The following TARBP1 variants were observed in gnomAD, a reference collection of about 807,000 sequenced individuals.
TARBP1 encodes the protein tRNA (guanosine(18)-2'-O)-methyltransferase TARBP1.
Under a neutral mutation model 178.6 loss-of-function variants are expected in TARBP1, and 144 were observed. The ratio of observed to expected loss-of-function variants is 0.81; its 90% CI spans 0.70 to 0.93. TARBP1 has a LOEUF of 0.93. TARBP1 is among the 40% of genes least tolerant of loss of function. TARBP1 has a pLI of 0.00. For missense variants in TARBP1, 2,067 were observed against 2,011.7 expected, an observed-to-expected ratio of 1.03 and a Z score of -0.53; for synonymous variants, 787 against 781.0, an observed-to-expected ratio of 1.01 and a Z score of -0.13.
chr1:234,445,894 G>A (rs1176158802), intron 12 of TARBP1, among the ~76,000 whole-genome samples: 2 of 151,936 alleles, frequency 1.3e-5, no homozygotes, highest in Non-Finnish European at 2.9e-5. Context: ...AAGAGCACAT[G>A]TGACCCAGTT....
chr1:234,409,765 C>T (rs1661612234), intron 23 of TARBP1, among the ~76,000 whole-genome samples: 1 of 152,204 alleles, frequency 6.6e-6, no homozygotes, highest in Admixed American at 6.5e-5. Flanking sequence ...CTTAATAACA[C>T]TATTTCAATT....
chr1:234,435,401 G>A (rs1664906391), intron 13 of TARBP1, among the ~76,000 whole-genome samples: 1 of 152,192 alleles, frequency 6.6e-6, no homozygotes, highest in African/African-American at 2.4e-5. Flanking sequence ...AAGATTGCTT[G>A]AACCCGGGAG....
At chr1:234,456,871 T>C (rs974117296) in intron 9 of TARBP1, among the ~76,000 whole-genome samples, 1 of 152,350 alleles carries the variant, frequency 6.6e-6, no homozygotes, top group African/African-American at 2.4e-5. Flanking sequence ...ATTAGATGCA[T>C]TGTGATCAAG....
At chr1:234,473,518 C>A (rs175322) in intron 1 of TARBP1, among the ~76,000 whole-genome samples, 112,680 of 152,178 alleles carry the variant, frequency 0.74, 43,317 homozygotes, top group East Asian at 0.98. Flanking sequence ...CTGGGTGCTG[C>A]GACTCCTCTC....
chr1:234,471,196 T>C lies in TARBP1; in HGVS notation c.1091A>G (p.Glu364Gly), dbSNP rs1322520207. 2 of 1,596,898 alleles carry C rather than the reference T, an allele frequency of 1.3e-6. No homozygotes were observed. Among genetic ancestry groups the C allele is most frequent in the Non-Finnish European group, 8.5e-7 (1 of 1,175,026 alleles). The change falls in exon 3 of 30, where the codon GAG becomes GGG. Residue 364 changes from glutamate (E) to glycine (G), a missense_variant. Glu to Gly is a moderately conservative substitution (Grantham distance 98). Coordinates refer to ENST00000040877, the MANE Select transcript of TARBP1 (RefSeq NM_005646.4). The stretch of plus-strand genomic sequence containing the variant: ...ATAAAAGTAATCGTTACCATTTTCC[T>C]CTGACACCGCATATTCAAACAGATT... Reference protein sequence around the residue: ...LNNLFEYAVSEENGCWLFHPS... With the variant: ...LNNLFEYAVSGENGCWLFHPS...
chr1:234,438,846 A>G (rs1195564372), intron 12 of TARBP1, among the ~76,000 whole-genome samples: 1 of 152,224 alleles, frequency 6.6e-6, no homozygotes, highest in Non-Finnish European at 1.5e-5. Context: ...ACAAAGGGCA[A>G]CCAAACTGCT....
intron 13 of TARBP1, 107 bp from the exon 14 acceptor site, chr1:234,433,678 A>C: frequency 9.5e-7 from 1 of 1,049,072 alleles, no homozygotes. Context: ...ACAACAAGAC[A>C]CTGATGAGAA....
At chr1:234,470,477 G>A (rs1376976205) in intron 3 of TARBP1, among the ~76,000 whole-genome samples, 3 of 152,050 alleles carry the variant, frequency 2.0e-5, no homozygotes, top group Non-Finnish European at 4.4e-5. Context: ...GCCGTGAGAC[G>A]ATCGTTATTA....
intron 11 of TARBP1, 126 bp from the exon 12 acceptor site, chr1:234,447,101 A>T (rs910951604): frequency 1.0e-6 from 1 of 975,906 alleles, no homozygotes; most frequent in Non-Finnish European, 1.6e-6. Flanking sequence ...CTCATGAAAG[A>T]CCCAGACAAC....
chr1:234,417,980 G>T, intron 22 of TARBP1, 104 bp downstream of exon 22: 1 of 659,614 alleles, frequency 1.5e-6, no homozygotes, highest in Non-Finnish European at 2.3e-6. Context: ...CAATACAATA[G>T]GGCAACTGAG....
chr1:234,444,050 C>G (rs1182469007), intron 12 of TARBP1, among the ~76,000 whole-genome samples: 1 of 152,212 alleles, frequency 6.6e-6, no homozygotes, highest in Non-Finnish European at 1.5e-5. Context: ...GGCTGCACAA[C>G]AGTGTGAACG....
chr1:234,460,215 A>C, intron 7 of TARBP1, 46 bp downstream of exon 7: 1 of 1,554,870 alleles, frequency 6.4e-7, no homozygotes, highest in Non-Finnish European at 8.7e-7. Context: ...TATTGATGGA[A>C]AGTCATGGCA....
chr1:234,393,524 G>A (rs759628071), intron 27 of TARBP1, 38 bp from the exon 28 acceptor site: 1 of 1,570,856 alleles, frequency 6.4e-7, no homozygotes, highest in South Asian at 1.2e-5. Context: ...ATTGTTCCCA[G>A]CACAATGCTA....
intron 24 of TARBP1, among the ~76,000 whole-genome samples, 171 bp downstream of exon 24, chr1:234,405,732 A>T (rs1222340476): frequency 6.6e-6 from 1 of 152,182 alleles, no homozygotes; most frequent in Admixed American, 6.5e-5. Context: ...ACTGTAATTA[A>T]CTACACCCCA....
Position 234,418,210 on chromosome 1 carries a change from G to C in TARBP1, c.3579C>G (p.Asp1193Glu), listed in dbSNP as rs745725230. ...LDQNFLNGII[D>E]RIFQAGFTNN... ...TGGTGAAACCAGCCTGGAAAATCCTGTCAATAATTCCATTCAAGAAATTCT... is the reference window on the plus strand; with the variant it reads ...TGGTGAAACCAGCCTGGAAAATCCTCTCAATAATTCCATTCAAGAAATTCT... The change falls in exon 22 of 30, where the codon GAC becomes GAG. Residue 1193 changes from aspartate to glutamate, a missense_variant. Physicochemically the swap from Asp to Glu is conservative, Grantham distance 45. Transcript: ENST00000040877. The C allele has an allele frequency of 3.2e-6, 5 of 1,556,430 alleles. No homozygotes were observed. The East Asian group carries it at 1.2e-4, about 37-fold the overall frequency.
At chr1:234,457,342 G>A (rs1351517246) in intron 9 of TARBP1, among the ~76,000 whole-genome samples, 5 of 152,146 alleles carry the variant, frequency 3.3e-5, no homozygotes, top group Non-Finnish European at 7.3e-5. Context: ...AGAAAGAGGA[G>A]TTTGTGTCAC....
chr1:234,435,707 T>C (rs543268035), intron 13 of TARBP1, among the ~76,000 whole-genome samples: 3 of 152,300 alleles, frequency 2.0e-5, no homozygotes, highest in Admixed American at 6.5e-5. Context: ...CGTAAGTCCA[T>C]ACATCTGGCA....
chr1:234,457,689 C>T lies in TARBP1; in HGVS notation c.1700G>A (p.Arg567Gln), dbSNP rs374991542. The change falls in exon 9 of 30, where the codon CGA becomes CAA. Residue 567 changes from arginine to glutamine, a missense_variant. By Grantham distance (43) the Arg-to-Gln change is conservative. Coordinates refer to ENST00000040877, the MANE Select transcript of TARBP1 (RefSeq NM_005646.4). Reference sequence around the variant, plus strand: ...CACCTCTGTCCACAATGAAGTTCCTCGTCCTAAGGATTCCTCTTGTCTCAG... The same window carrying T: ...CACCTCTGTCCACAATGAAGTTCCTTGTCCTAAGGATTCCTCTTGTCTCAG... The part of the protein sequence containing the change: ...MSLRQEESLG[R>Q]GTSLWTELCD... The T allele has an allele frequency of 3.1e-6, 5 of 1,608,496 alleles. No individual in the cohort carries two copies. The highest frequency in any genetic ancestry group is 4.2e-6 in the Non-Finnish European group (5 of 1,176,550).
At chr1:234,442,356 T>A (rs112365750) in intron 12 of TARBP1, among the ~76,000 whole-genome samples, 2,071 of 152,284 alleles carry the variant, frequency 0.014, 23 homozygotes, top group Non-Finnish European at 0.02. Flanking sequence ...AAGGACTAAC[T>A]TGGCAGAAGA....
Sources: allele counts gnomAD v4.1 joint callset (sites outside exome capture counted in the v4.1 genomes callset), GRCh38; gene constraint gnomAD v4.1.1; transcripts MANE v1.5; gene names NCBI Gene and HGNC (gene_info 2026-07-23, HGNC 2026-07-21).